The following SYTL2 variants were observed in gnomAD, a reference collection of about 807,000 sequenced individuals.
SYTL2 encodes synaptotagmin like 2.
Under a neutral mutation model 198.7 loss-of-function variants are expected in SYTL2, and 165 were observed. That is an observed-to-expected ratio of 0.83 (90% CI 0.73 to 0.94). The LOEUF (loss-of-function observed/expected upper bound fraction) is 0.94, where lower values mean the gene tolerates loss of function less well. SYTL2 is among the 40% of genes least tolerant of loss of function. The pLI, the probability that SYTL2 is intolerant of heterozygous loss-of-function variation, is 0.00. For synonymous variants in SYTL2, 966 were observed against 917.7 expected (o/e 1.05, Z -0.95); for missense variants, 2,835 against 2,582.8 (o/e 1.10, Z -2.12).
chr11:85,766,932 C>G (rs2153570943), intron 1 of SYTL2, among the ~76,000 whole-genome samples: 1 of 152,310 alleles, frequency 6.6e-6, no homozygotes, highest in African/African-American at 2.4e-5. Context: ...TTCATGATTG[C>G]TTCAATAAAC....
chr11:85,696,413 G>T, intron 18 of SYTL2, 25 bp from the exon 19 acceptor site: 1 of 1,567,038 alleles, frequency 6.4e-7, no homozygotes, highest in Non-Finnish European at 8.8e-7. Context: ...ATGATTGTGG[G>T]AGCATTTTAG....
At chr11:85,741,184 G>C (rs994255580) in intron 4 of SYTL2, among the ~76,000 whole-genome samples, 1 of 151,896 alleles carries the variant, frequency 6.6e-6, no homozygotes, top group Non-Finnish European at 1.5e-5. Flanking sequence ...TTCCTTGGGG[G>C]CTCAAGCTGT....
the SYTL2 span, among the ~76,000 whole-genome samples, chr11:85,837,221 A>T: frequency 5.9e-5 from 9 of 152,180 alleles, no homozygotes; most frequent in Non-Finnish European, 7.4e-5. Context: ...CTAACCCACA[A>T]TGTGATTGTA....
chr11:85,818,605 T>A, the SYTL2 span, among the ~76,000 whole-genome samples: 5 of 152,234 alleles, frequency 3.3e-5, no homozygotes, highest in Admixed American at 1.3e-4. Flanking sequence ...GAAAAAAATA[T>A]CCACTTGCCT....
At chr11:85,821,576 G>C in the SYTL2 span, among the ~76,000 whole-genome samples, 1 of 152,136 alleles carries the variant, frequency 6.6e-6, no homozygotes. Context: ...GGCCTGGAAA[G>C]TCCAGCAATG....
chr11:85,775,040 A>G (rs2153586397), intron 1 of SYTL2, among the ~76,000 whole-genome samples: 1 of 152,140 alleles, frequency 6.6e-6, no homozygotes, highest in African/African-American at 2.4e-5. Context: ...ATGAATGCCA[A>G]CACCATCACC....
Position 85,727,829 on chromosome 11 carries a change from T to G in SYTL2, c.1529A>C (p.Glu510Ala). The G allele has an allele frequency of 6.2e-7, 1 of 1,610,718 alleles. No homozygotes were observed. Among genetic ancestry groups the G allele is most frequent in the South Asian group, 1.1e-5 (1 of 90,328 alleles). Residue 510 changes from glutamate to alanine, a missense_variant, in exon 8 of 20, where the codon GAG (glutamate) becomes GCG (alanine). Physicochemically the swap from Glu to Ala is moderately radical, Grantham distance 107 (BLOSUM62 -1). Coordinates refer to ENST00000359152, the MANE Select transcript of SYTL2 (RefSeq NM_206927.4). ...GGAATCATCAGTTGACTTCTTTATCTCAGTGGCATATGGACCAGAACGTGA... is the reference window on the plus strand; with the variant it reads ...GGAATCATCAGTTGACTTCTTTATCGCAGTGGCATATGGACCAGAACGTGA... ...TSSRSGPYAT[E>A]IKKSTDDSIF...
At chr11:85,852,501 G>C in the SYTL2 span, 7 of 158,950 alleles carry the variant, frequency 4.4e-5, no homozygotes, top group East Asian at 1.3e-3. Context: ...AGCCTGCCGA[G>C]TGCCTGCGGT....
intron 14 of SYTL2, chr11:85,708,050 C>G (rs2085519656): frequency 2.6e-6 from 1 of 377,782 alleles, no homozygotes; most frequent in African/African-American, 2.3e-5. Context: ...GTAATTCCAG[C>G]TAGTCAGGAG....
intron 15 of SYTL2, among the ~76,000 whole-genome samples, chr11:85,705,957 G>C (rs1336441620): frequency 1.3e-5 from 2 of 152,140 alleles, no homozygotes; most frequent in African/African-American, 4.8e-5. Flanking sequence ...TTTTTCCAGA[G>C]GATGATCAAA....
upstream of SYTL2, among the ~76,000 whole-genome samples, chr11:85,812,392 A>G (rs974660392): frequency 4.6e-5 from 7 of 152,226 alleles, no homozygotes; most frequent in African/African-American, 1.7e-4. Context: ...GGCACTGTGC[A>G]GAGATGTGTA....
At chr11:85,719,774 A>G (rs1171116993) in intron 9 of SYTL2, among the ~76,000 whole-genome samples, 2 of 152,106 alleles carry the variant, frequency 1.3e-5, no homozygotes, top group African/African-American at 4.8e-5. Flanking sequence ...CTGTCTTCAA[A>G]CCCCTGGGAA....
At chr11:85,764,919 G>A (rs1473620928) in intron 1 of SYTL2, among the ~76,000 whole-genome samples, 2 of 152,160 alleles carry the variant, frequency 1.3e-5, no homozygotes, top group Non-Finnish European at 2.9e-5. Flanking sequence ...AAAATGTTTT[G>A]TAATATGCGT....
At chr11:85,756,039 C>T (rs2091849340) in intron 2 of SYTL2, among the ~76,000 whole-genome samples, 1 of 152,164 alleles carries the variant, frequency 6.6e-6, no homozygotes, top group African/African-American at 2.4e-5. Flanking sequence ...TCAATATTTT[C>T]TCTATGCTCC....
chr11:85,791,940 C>T (rs534182740), intron 1 of SYTL2, among the ~76,000 whole-genome samples: 3 of 152,062 alleles, frequency 2.0e-5, no homozygotes, highest in Non-Finnish European at 2.9e-5. Context: ...ACAAAAGTTG[C>T]AAGAGAAAGG....
In SYTL2 at chr11:85,759,951, G is replaced by A. The variant is rs1190880218; in HGVS notation, c.-389-1837C>T. 3.9e-5 allele frequency among the ~76,000 whole-genome samples: 6 copies of A among 152,244 alleles called. No homozygotes were observed. The East Asian group carries it at 1.2e-3, about 29-fold the overall frequency. On this transcript the variant is annotated intron_variant, in intron 1 of 19. Transcript: ENST00000359152. The stretch of plus-strand genomic sequence containing the variant: ...ATTCCTAACTCTTCATTTCCTCCCT[G>A]TAACAGAACTATACTATCATGTTCC...
intron 2 of SYTL2, among the ~76,000 whole-genome samples, chr11:85,755,899 C>G (rs951514521): frequency 2.0e-5 from 3 of 152,166 alleles, no homozygotes; most frequent in African/African-American, 7.2e-5. Context: ...CTCCAAAATG[C>G]AGGGGCCCAC....
chr11:85,717,489 G>C lies in SYTL2; in HGVS notation c.5524C>G (p.Pro1842Ala). The change falls in exon 11 of 20, where the codon CCA (proline) becomes GCA (alanine). Residue 1842 changes from proline to alanine, a missense_variant. Transcript: ENST00000359152. ...DQKPVTNECV[P>A]RISTVPTQPD... is the part of the protein sequence containing the mutation. The stretch of plus-strand genomic sequence containing the variant: ...GAAAGATCCTGCTACTCACTTCTTG[G>C]TACGCATTCATTTGTAACTGGCTTC... 1 of 1,612,816 alleles carries C rather than the reference G, an allele frequency of 6.2e-7. No homozygotes were observed. Among genetic ancestry groups the C allele is most frequent in the Non-Finnish European group, 8.5e-7 (1 of 1,179,066 alleles).
chr11:85,737,457 T>C, intron 5 of SYTL2, 118 bp downstream of exon 5: 1 of 742,246 alleles, frequency 1.3e-6, no homozygotes, highest in Non-Finnish European at 2.2e-6. Flanking sequence ...AAATTACCTG[T>C]ATTTGGTACC....
Sources: allele counts gnomAD v4.1 joint callset (sites outside exome capture counted in the v4.1 genomes callset), GRCh38; gene constraint gnomAD v4.1.1; transcripts MANE v1.5; gene names NCBI Gene and HGNC (gene_info 2026-07-23, HGNC 2026-07-21).